Variants in PTPRD observed in about 807,000 individuals in gnomAD.
PTPRD encodes the protein protein tyrosine phosphatase receptor type D, also known as receptor-type tyrosine-protein phosphatase delta.
PTPRD carries 34 observed loss-of-function variants against 214.5 expected under a neutral mutation model. The observed-to-expected ratio is 0.16, with a 90% CI of 0.12 to 0.21. The LOEUF (loss-of-function observed/expected upper bound fraction) is 0.21. Ranked by LOEUF, PTPRD falls within the 10% of genes least tolerant of loss-of-function variation. The pLI is 1.00. For missense variants in PTPRD, 2,545 were observed against 2,398.7 expected (o/e 1.06, Z -1.27); for synonymous variants, 1,128 against 845.7 (o/e 1.33, Z -5.79).
chr9:8,735,528 C>G (rs2090059043), intron 11 of PTPRD, among the ~76,000 whole-genome samples: 3 of 152,152 alleles, frequency 2.0e-5, no homozygotes, highest in African/African-American at 7.2e-5. Context: ...GCTGATGCTG[C>G]CAGTCCAGAG....
At chr9:9,995,875 T>C (rs534801876) in intron 4 of PTPRD, among the ~76,000 whole-genome samples, 1 of 152,302 alleles carries the variant, frequency 6.6e-6, no homozygotes, top group South Asian at 2.1e-4. Flanking sequence ...CAGTTACTGT[T>C]AATTTACATT....
intron 10 of PTPRD, among the ~76,000 whole-genome samples, chr9:9,067,436 T>C (rs574637385): frequency 6.6e-6 from 1 of 152,336 alleles, no homozygotes; most frequent in Non-Finnish European, 1.5e-5. Context: ...TCACATTGTG[T>C]GTGTCATAAT....
chr9:9,986,333 T>G (rs1262842729), intron 4 of PTPRD, among the ~76,000 whole-genome samples: 1 of 152,144 alleles, frequency 6.6e-6, no homozygotes, highest in Non-Finnish European at 1.5e-5. Flanking sequence ...TGAAGTGAGA[T>G]AGACTAAGTG....
chr9:8,770,971 A>G (rs2095161294), intron 11 of PTPRD, among the ~76,000 whole-genome samples: 1 of 151,976 alleles, frequency 6.6e-6, no homozygotes, highest in Admixed American at 6.6e-5. Context: ...CAAGGTCAGG[A>G]GATTGAGAAC....
At chr9:10,069,509 C>A (rs531428620) in intron 3 of PTPRD, among the ~76,000 whole-genome samples, 1 of 152,004 alleles carries the variant, frequency 6.6e-6, no homozygotes, top group East Asian at 1.9e-4. Context: ...GGAGTTGCTC[C>A]CAGGATTTCT....
At chr9:10,189,914 A>G (rs901185023) in intron 3 of PTPRD, among the ~76,000 whole-genome samples, 6 of 152,122 alleles carry the variant, frequency 3.9e-5, no homozygotes, top group African/African-American at 1.4e-4. Context: ...CCTGGAAACA[A>G]AACAGAGCAC....
chr9:10,323,713 T>A (rs2096595948), intron 3 of PTPRD, among the ~76,000 whole-genome samples: 1 of 151,978 alleles, frequency 6.6e-6, no homozygotes, highest in African/African-American at 2.4e-5. Context: ...TTAGTTCTAA[T>A]CTTAAACTTT....
chr9:8,995,020 C>A (rs747691155), intron 11 of PTPRD, among the ~76,000 whole-genome samples: 1 of 151,852 alleles, frequency 6.6e-6, no homozygotes, highest in South Asian at 2.1e-4. Context: ...GACATAAGAG[C>A]AAGTAAAGGA....
chr9:8,484,230 G>A lies in PTPRD; in HGVS notation c.3302C>T (p.Ala1101Val), dbSNP rs1354205318. 2.5e-6 allele frequency: 4 copies of A among 1,613,954 alleles called. No individual in the cohort carries two copies. The highest frequency in any genetic ancestry group is 3.4e-6 in the Non-Finnish European group (4 of 1,180,016). Reference protein sequence around the residue: ...SAGGLQHRVTAKTAPDVLRTK... With the variant: ...SAGGLQHRVTVKTAPDVLRTK... ...ACGTAATACATCTGGTGCAGTCTTT[G>A]CCGTGACCCTGTGCTGCAGCCCACC... Residue 1101 changes from alanine (A) to valine (V), a missense_variant, in exon 30 of 46, where the codon GCA (alanine) becomes GTA (valine). Transcript: ENST00000381196.
At chr9:10,277,556 T>C (rs1293820507) in intron 3 of PTPRD, among the ~76,000 whole-genome samples, 1 of 149,078 alleles carries the variant, frequency 6.7e-6, no homozygotes, top group Admixed American at 6.8e-5. Context: ...ATAAACTGAT[T>C]AGCTGAGTGT....
chr9:10,482,283 A>G (rs577460022), intron 2 of PTPRD, among the ~76,000 whole-genome samples: 139 of 152,124 alleles, frequency 9.1e-4, no homozygotes, highest in Non-Finnish European at 1.6e-3. Context: ...AGGCAGGAGA[A>G]TGGCATGAAC....
chr9:9,510,986 T>C (rs1271753804), intron 8 of PTPRD, among the ~76,000 whole-genome samples: 2 of 151,720 alleles, frequency 1.3e-5, no homozygotes, highest in Non-Finnish European at 2.9e-5. Flanking sequence ...ACACTACAGA[T>C]AGCAACATTT....
At chr9:10,248,462 T>C (rs1450333539) in intron 3 of PTPRD, among the ~76,000 whole-genome samples, 1 of 143,208 alleles carries the variant, frequency 7.0e-6, no homozygotes, top group African/African-American at 2.7e-5. Flanking sequence ...TTTTCCAACA[T>C]GGATCGTGTT....
intron 11 of PTPRD, among the ~76,000 whole-genome samples, chr9:8,992,332 A>G (rs1387671705): frequency 6.6e-6 from 1 of 152,124 alleles, no homozygotes; most frequent in Non-Finnish European, 1.5e-5. Context: ...ACATTATACT[A>G]CTAAAATAAA....
chr9:9,160,559 G>A (rs997951035), intron 10 of PTPRD, among the ~76,000 whole-genome samples: 2 of 152,124 alleles, frequency 1.3e-5, no homozygotes, highest in South Asian at 2.1e-4. Flanking sequence ...GGTGAAAAGT[G>A]AACACTTGTC....
chr9:8,977,950 G>T (rs1241125007), intron 11 of PTPRD, among the ~76,000 whole-genome samples: 1 of 152,038 alleles, frequency 6.6e-6, no homozygotes, highest in African/African-American at 2.4e-5. Flanking sequence ...ATTTTAAATT[G>T]TTTATACTGT....
intron 11 of PTPRD, among the ~76,000 whole-genome samples, chr9:8,994,203 T>C (rs897933382): frequency 1.3e-5 from 2 of 152,116 alleles, no homozygotes; most frequent in Admixed American, 1.3e-4. Flanking sequence ...AACTCACTTA[T>C]TGCTTTAAAT....
chr9:8,675,948 A>C (rs1477939479), intron 12 of PTPRD, among the ~76,000 whole-genome samples: 1 of 152,098 alleles, frequency 6.6e-6, no homozygotes, highest in East Asian at 1.9e-4. Context: ...CTGGTCCCTG[A>C]CCTTCGGGAT....
intron 7 of PTPRD, among the ~76,000 whole-genome samples, chr9:9,715,962 C>A (rs2097818209): frequency 6.6e-6 from 1 of 152,130 alleles, no homozygotes; most frequent in Non-Finnish European, 1.5e-5. Flanking sequence ...ATTAACTCAT[C>A]ATCTAGCATT....
Sources: gnomAD v4.1 joint callset for allele counts (sites outside exome capture counted in the v4.1 genomes callset) on GRCh38, gnomAD v4.1.1 for gene constraint, MANE v1.5 for transcripts, NCBI Gene and HGNC (gene_info 2026-07-23, HGNC 2026-07-21) for gene names.